Variants in DCAF6 observed in about 807,000 individuals in gnomAD.
DCAF6 encodes DDB1- and CUL4-associated factor 6.
Under a neutral mutation model 125.1 loss-of-function variants are expected in DCAF6, and 54 were observed. That is an observed-to-expected ratio of 0.43 (90% CI 0.35 to 0.54). The LOEUF (loss-of-function observed/expected upper bound fraction) is 0.54, where lower values mean the gene tolerates loss of function less well. DCAF6 is among the 20% of genes least tolerant of loss of function. The pLI, the probability that DCAF6 is intolerant of heterozygous loss-of-function variation, is 0.01. For synonymous variants in DCAF6, 371 were observed against 390.4 expected (o/e 0.95, Z 0.58); for missense variants, 934 against 1,161.7 (o/e 0.80, Z 2.85).
At chr1:168,019,546 TC>T (rs1489330788) in intron 11 of DCAF6, 2 of 456,220 alleles carry the variant, frequency 4.4e-6, no homozygotes, top group Admixed American at 4.7e-5. Context: ...CCATTTCAGG[TC>T]CCCTGAAGTC....
rs147406238 is a variant in DCAF6 at position 167,977,971 on chromosome 1, G to A, written c.438+2956G>A. ...TACCCCTGTTTTTCTGTTTTTGAAC[G>A]TTATATAAATGGAAATATGGCTTTT... On this transcript the variant is annotated intron_variant, in intron 4 of 21. Coordinates refer to ENST00000367840, the MANE Select transcript of DCAF6 (RefSeq NM_001198956.2). Among the ~76,000 whole-genome samples the A allele has an allele frequency of 7.2e-3, 1,100 of 152,024 alleles. 11 individuals carry two copies. The highest frequency in any genetic ancestry group is 0.025 in the African/African-American group (1,022 of 41,468).
At chr1:167,932,808 C>CAAAAAAAAAAA (rs965449372), upstream of DCAF6, among the ~76,000 whole-genome samples, 5 of 54,866 alleles carry the variant, frequency 9.1e-5, no homozygotes, top group African/African-American at 1.7e-4. Flanking sequence ...GACTCTGTCT[C>CAAAAAAAAAAA]AAAAAAAAAA....
chr1:168,020,388 G>A (rs1685530194), intron 11 of DCAF6, among the ~76,000 whole-genome samples: 1 of 152,056 alleles, frequency 6.6e-6, no homozygotes, highest in Non-Finnish European at 1.5e-5. Flanking sequence ...TTTCTACAGT[G>A]GAGATAATTC....
At chr1:168,037,288 A>G (rs1265467980) in intron 12 of DCAF6, among the ~76,000 whole-genome samples, 2 of 152,144 alleles carry the variant, frequency 1.3e-5, no homozygotes, top group African/African-American at 4.8e-5. Context: ...TAATAAAAAA[A>G]AATCCTAAGT....
At chr1:167,878,400 C>T in the DCAF6 span, 1,079 of 1,592,058 alleles carry the variant, frequency 6.8e-4, 1 homozygote, top group Admixed American at 1.4e-3. Context: ...ATAATTCTCC[C>T]GCTTCTTTAC....
Position 168,038,442 on chromosome 1 carries a change from G to A in DCAF6, c.1681G>A (p.Glu561Lys), listed in dbSNP as rs1688108200. Residue 561 changes from glutamate to lysine, a missense_variant, in exon 13 of 22, where the codon GAA becomes AAA. Physicochemically the swap from Glu to Lys is moderately conservative, Grantham distance 56. This residue lies in a region of DCAF6 where 559 missense variants were observed against 635.5 expected (regional missense o/e 0.88). Transcript: ENST00000367840. Reference sequence around the variant, plus strand: ...AGTTTTAAGTTTGCACTACAGCACAGAAGGAACAACTACAAGCACAATAAA... The same window carrying A: ...AGTTTTAAGTTTGCACTACAGCACAAAAGGAACAACTACAAGCACAATAAA... Reference protein sequence around the residue: ...EPVLSLHYSTEGTTTSTIKLN... With the variant: ...EPVLSLHYSTKGTTTSTIKLN... The A allele has an allele frequency of 6.2e-7, 1 of 1,610,906 alleles. No individual in the cohort carries two copies. Among genetic ancestry groups the A allele is most frequent in the Non-Finnish European group, 8.5e-7 (1 of 1,178,820 alleles).
chr1:167,884,736 T>C, the DCAF6 span, among the ~76,000 whole-genome samples: 4 of 149,338 alleles, frequency 2.7e-5, no homozygotes, highest in Non-Finnish European at 1.5e-5. Context: ...CTCGCTCTGT[T>C]GCTCAGGCTG....
chr1:167,909,250 T>C, the DCAF6 span, among the ~76,000 whole-genome samples: 1 of 152,334 alleles, frequency 6.6e-6, no homozygotes, highest in South Asian at 2.1e-4. Flanking sequence ...CATCACCTGA[T>C]GGAATATACC....
intron 11 of DCAF6, chr1:168,019,632 C>A: frequency 2.7e-6 from 1 of 364,030 alleles, no homozygotes; most frequent in Non-Finnish European, 5.8e-6. Flanking sequence ...ACCACAGAGC[C>A]CCACTGGAGC....
chr1:168,044,795 G>A, intron 15 of DCAF6, 105 bp from the exon 16 acceptor site: 6 of 1,434,390 alleles, frequency 4.2e-6, no homozygotes, highest in Non-Finnish European at 5.8e-6. Context: ...CCTTATAGAG[G>A]AATTAGACAT....
intron 11 of DCAF6, among the ~76,000 whole-genome samples, chr1:168,022,306 C>A (rs1417355050): frequency 6.6e-6 from 1 of 152,142 alleles, no homozygotes; most frequent in Non-Finnish European, 1.5e-5. Context: ...CTATTTGAAG[C>A]CAAGGTAGAA....
At chr1:168,030,590 G>C (rs1686951671) in intron 12 of DCAF6, among the ~76,000 whole-genome samples, 1 of 152,174 alleles carries the variant, frequency 6.6e-6, no homozygotes, top group South Asian at 2.1e-4. Flanking sequence ...AGGTAGGAGA[G>C]ATGTGAAGAG....
chr1:168,072,294 TAAAAAAAAAAAAAA>T (rs59674650), intron 21 of DCAF6, among the ~76,000 whole-genome samples: 65 of 41,014 alleles, frequency 1.6e-3, no homozygotes, highest in African/African-American at 2.8e-3. Flanking sequence ...AGAATCAGTC[TAAAAAAAAAAAAAA>T]AAAAAAAAAA....
intron 10 of DCAF6, among the ~76,000 whole-genome samples, chr1:168,013,647 T>G (rs1257948443): frequency 6.6e-6 from 1 of 152,180 alleles, no homozygotes; most frequent in Non-Finnish European, 1.5e-5. Flanking sequence ...TTCCGCTTTT[T>G]TTTAAGCATC....
chr1:168,057,948 G>A (rs972769231), intron 17 of DCAF6, among the ~76,000 whole-genome samples: 1 of 152,160 alleles, frequency 6.6e-6, no homozygotes, highest in Admixed American at 6.5e-5. Flanking sequence ...TTGTCCATCT[G>A]CCTACCACGC....
chr1:168,019,156 C>G (rs925153627), intron 11 of DCAF6, among the ~76,000 whole-genome samples: 1 of 151,162 alleles, frequency 6.6e-6, no homozygotes, highest in African/African-American at 2.5e-5. Context: ...TCAAGTGATT[C>G]TCTTGCCTCA....
At chr1:167,875,982 C>T in the DCAF6 span, among the ~76,000 whole-genome samples, 1 of 152,002 alleles carries the variant, frequency 6.6e-6, no homozygotes, top group Non-Finnish European at 1.5e-5. Flanking sequence ...ACTGGCCAGG[C>T]ACGGTGGCTC....
intron 10 of DCAF6, among the ~76,000 whole-genome samples, chr1:168,007,311 C>A (rs1441104166): frequency 2.0e-5 from 3 of 152,130 alleles, no homozygotes; most frequent in African/African-American, 7.2e-5. Flanking sequence ...TTGGCCTTAA[C>A]ATGCTCTTAT....
the DCAF6 span, chr1:167,870,433 A>C: frequency 6.3e-7 from 1 of 1,584,628 alleles, no homozygotes. Context: ...GTTTTAAAAA[A>C]GAGCAAACTC....
Sources: allele counts gnomAD v4.1 joint callset (sites outside exome capture counted in the v4.1 genomes callset), GRCh38; gene constraint gnomAD v4.1.1; regional missense constraint gnomAD v4.1.1; transcripts MANE v1.5; gene names NCBI Gene and HGNC (gene_info 2026-07-23, HGNC 2026-07-21).